WDR49: variants seen among roughly 807,000 people sequenced by gnomAD.
The protein encoded by WDR49 is cilia- and flagella-associated protein 337.
Under a neutral mutation model 119.5 loss-of-function variants are expected in WDR49, and 107 were observed. That is an observed-to-expected ratio of 0.90 (90% CI 0.77 to 1.05). WDR49 has a LOEUF of 1.05. Among genes scored for constraint, WDR49 ranks in the 50% least tolerant of loss-of-function variants. The pLI is 0.00. For synonymous variants in WDR49, 425 were observed against 418.8 expected (o/e 1.01, Z -0.18); for missense variants, 1,240 against 1,220.5 (o/e 1.02, Z -0.24).
chr3:167,586,410 C>G (rs1369329993), intron 7 of WDR49, among the ~76,000 whole-genome samples: 2 of 152,140 alleles, frequency 1.3e-5, no homozygotes, highest in Non-Finnish European at 2.9e-5. Context: ...CGATTGAACT[C>G]TTTAATCACC....
intron 10 of WDR49, among the ~76,000 whole-genome samples, chr3:167,547,390 A>C (rs1324605714): frequency 1.3e-5 from 2 of 151,810 alleles, no homozygotes; most frequent in Admixed American, 6.6e-5. Flanking sequence ...TATATGAAAG[A>C]TTCTGTTTTT....
intron 15 of WDR49, among the ~76,000 whole-genome samples, chr3:167,524,810 C>T (rs1752576929): frequency 6.6e-6 from 1 of 151,992 alleles, no homozygotes. Flanking sequence ...TTACTGTAGC[C>T]TTGTAGTATA....
In WDR49 at chr3:167,606,046, C is replaced by T. The variant is rs571511651; in HGVS notation, c.959-1578G>A. On this transcript the variant is annotated intron_variant, in intron 5 of 18. Transcript: ENST00000682715. ...TCACACAAATCGCTATGTGAAAATGCAGATTCTCATTCAATGTAAACCTGA... is the reference window on the plus strand; with the variant it reads ...TCACACAAATCGCTATGTGAAAATGTAGATTCTCATTCAATGTAAACCTGA... Among the ~76,000 whole-genome samples, 10 of 152,244 alleles carry T rather than the reference C, an allele frequency of 6.6e-5. No homozygotes were observed. The East Asian group carries it at 1.7e-3, about 26-fold the overall frequency.
At chr3:167,562,466 G>A (rs1048105662) in intron 8 of WDR49, among the ~76,000 whole-genome samples, 1 of 152,112 alleles carries the variant, frequency 6.6e-6, no homozygotes, top group African/African-American at 2.4e-5. Context: ...ACTTCAATGA[G>A]ACAATTTCTT....
chr3:167,638,490 T>G (rs1429981671), intron 2 of WDR49, among the ~76,000 whole-genome samples: 1 of 151,614 alleles, frequency 6.6e-6, no homozygotes, highest in East Asian at 1.9e-4. Context: ...TCTGTTGTAC[T>G]TGCCTCAATT....
chr3:167,615,999 T>C (rs1367899741), intron 5 of WDR49, among the ~76,000 whole-genome samples: 1 of 152,210 alleles, frequency 6.6e-6, no homozygotes, highest in Non-Finnish European at 1.5e-5. Context: ...AAACAAACCT[T>C]GAAGTGATTA....
chr3:167,522,794 C>T (rs1949734), intron 15 of WDR49, among the ~76,000 whole-genome samples: 85,483 of 152,028 alleles, frequency 0.56, 26,097 homozygotes, highest in African/African-American at 0.82. Flanking sequence ...GCCAGATGTA[C>T]ATTTACTAAA....
chr3:167,570,691 C>T (rs866192679), intron 8 of WDR49, among the ~76,000 whole-genome samples: 2 of 152,042 alleles, frequency 1.3e-5, no homozygotes, highest in Non-Finnish European at 2.9e-5. Flanking sequence ...TTAGTGTTTA[C>T]CTTTGGTATA....
chr3:167,529,919 C>G (rs1284671824), intron 13 of WDR49, among the ~76,000 whole-genome samples: 1 of 152,022 alleles, frequency 6.6e-6, no homozygotes, highest in African/African-American at 2.4e-5. Flanking sequence ...TAGATGACTT[C>G]CAGTTTGCTT....
At chr3:167,487,216 A>G (rs1192018853) in intron 18 of WDR49, among the ~76,000 whole-genome samples, 1 of 152,120 alleles carries the variant, frequency 6.6e-6, no homozygotes, top group Non-Finnish European at 1.5e-5. Flanking sequence ...AATCTCAAAA[A>G]TAAAGCTGTG....
chr3:167,581,010 G>T (rs751018790), intron 7 of WDR49, among the ~76,000 whole-genome samples: 1 of 151,934 alleles, frequency 6.6e-6, no homozygotes, highest in Admixed American at 6.6e-5. Flanking sequence ...CATTATATCT[G>T]AGAACTTGTG....
intron 16 of WDR49, among the ~76,000 whole-genome samples, chr3:167,510,680 A>G (rs899924479): frequency 1.3e-5 from 2 of 152,182 alleles, no homozygotes; most frequent in African/African-American, 4.8e-5. Context: ...GTATGTTTGT[A>G]TAAGCCAGAA....
At chr3:167,648,414 T>A (rs2420026) in intron 2 of WDR49, among the ~76,000 whole-genome samples, 148,316 of 152,296 alleles carry the variant, frequency 0.97, 72,251 homozygotes, top group East Asian at 1. Flanking sequence ...AATAGCAGAT[T>A]ATTGTCCCAG....
chr3:167,603,198 A>G (rs1334481029), intron 6 of WDR49, among the ~76,000 whole-genome samples: 2 of 152,188 alleles, frequency 1.3e-5, no homozygotes, highest in African/African-American at 4.8e-5. Flanking sequence ...ATTCAAAACA[A>G]CACAATACTC....
At chr3:167,500,627 T>C (rs1413382409) in intron 17 of WDR49, among the ~76,000 whole-genome samples, 1 of 152,204 alleles carries the variant, frequency 6.6e-6, no homozygotes, top group African/African-American at 2.4e-5. Flanking sequence ...ACAAGAAAAT[T>C]GTATCTTTTG....
chr3:167,627,044 T>A lies in WDR49; in HGVS notation c.414A>T (p.Lys138Asn). The A allele has an allele frequency of 1.5e-6, 2 of 1,318,746 alleles. No homozygotes were observed. Among genetic ancestry groups the A allele is most frequent in the Non-Finnish European group, 1.9e-6 (2 of 1,035,292 alleles). 81.7% of individuals were successfully genotyped at this position (1,318,746 alleles called of 1,614,324 possible). Residue 138 changes from lysine to asparagine, a missense_variant, in exon 3 of 19, where the codon AAA becomes AAT. Transcript: ENST00000682715. The stretch of plus-strand genomic sequence containing the variant: ...TTACTTTTTGAATGGTGTCCTTGTG[T>A]TTTACTGGGAGGAATTCAAGGTCCT... ...QWKDLEFLPVKHKDTIQKVIF... is the reference protein window; with the variant it reads ...QWKDLEFLPVNHKDTIQKVIF...
rs57991972 is a variant in WDR49 at position 167,615,443 on chromosome 3, T to TA, written c.958+4985dup. Reference sequence around the variant, plus strand: ...GGACCACCACTCCCGGCTCTCCATTTAAAAAAAAAAAAAAAAAAAGAAAGA... The same window carrying TA: ...GGACCACCACTCCCGGCTCTCCATTTAAAAAAAAAAAAAAAAAAAAGAAAGA... On this transcript the variant is annotated intron_variant, in intron 5 of 18. Transcript: ENST00000682715. Among the ~76,000 whole-genome samples the TA allele has an allele frequency of 3.0e-3, 400 of 135,088 alleles. 1 individual carries two copies. The highest frequency in any genetic ancestry group is 0.011 in the South Asian group (45 of 4,118). The allele number at this position is 135,088 out of a possible 152,430, so 88.6% of individuals were successfully genotyped here.
At chr3:167,641,936 T>TAA (rs149443404) in intron 2 of WDR49, among the ~76,000 whole-genome samples, 4 of 150,030 alleles carry the variant, frequency 2.7e-5, no homozygotes, top group Non-Finnish European at 6.0e-5. Context: ...GAAAAAAAGG[T>TAA]AAAAAAAATA....
chr3:167,554,761 T>C lies in WDR49; in HGVS notation c.1712A>G (p.Asn571Ser), dbSNP rs1349549637. Residue 571 changes from asparagine to serine, a missense_variant, in exon 10 of 19, where the codon AAT becomes AGT. By Grantham distance (46) the Asn-to-Ser change is conservative. Coordinates refer to ENST00000682715, the MANE Select transcript of WDR49 (RefSeq NM_001366157.1). Reference protein sequence around the residue: ...DFNGYCHHTLNVGQDGAVDIS... With the variant: ...DFNGYCHHTLSVGQDGAVDIS... ...ATCCACAGCTCCATCTTGCCCAACA[T>C]TTAGTGTATGGTGACAATATCCATT... 5 of 1,613,106 alleles carry C rather than the reference T, an allele frequency of 3.1e-6. No homozygotes were observed. Among genetic ancestry groups the C allele is most frequent in the East Asian group, 2.2e-5 (1 of 44,802 alleles).
Sources: gnomAD v4.1 joint callset for allele counts (sites outside exome capture counted in the v4.1 genomes callset) on GRCh38, gnomAD v4.1.1 for gene constraint, MANE v1.5 for transcripts, NCBI Gene and HGNC (gene_info 2026-07-23, HGNC 2026-07-21) for gene names.